The following RFC1 variants were observed in gnomAD, a reference collection of about 807,000 sequenced individuals.
RFC1 encodes A1 140 kDa subunit.
In RFC1, 37 loss-of-function variants were observed where a neutral mutation model predicts 137.4. That is an observed-to-expected ratio of 0.27 (90% CI 0.21 to 0.35). The LOEUF is 0.35. Ranked by LOEUF, RFC1 falls within the 10% of genes least tolerant of loss-of-function variation. The pLI is 1.00. For synonymous variants in RFC1, 429 were observed against 455.7 expected (o/e 0.94, Z 0.75); for missense variants, 1,205 against 1,358.5 (o/e 0.89, Z 1.78).
At chr4:39,319,759 T>C (rs1226102617) in intron 9 of RFC1, among the ~76,000 whole-genome samples, 3 of 152,142 alleles carry the variant, frequency 2.0e-5, no homozygotes, top group African/African-American at 7.2e-5. Flanking sequence ...ATATATATAC[T>C]TACATGTACT....
At chr4:39,346,615 A>T (rs903205214) in intron 2 of RFC1, among the ~76,000 whole-genome samples, 1 of 152,238 alleles carries the variant, frequency 6.6e-6, no homozygotes, top group Non-Finnish European at 1.5e-5. Flanking sequence ...ATTGTAATCA[A>T]TTATAAGGTA....
At chr4:39,321,951 T>G (rs1739539859) in intron 7 of RFC1, 2 of 124,554 alleles carry the variant, frequency 1.6e-5, no homozygotes, top group Admixed American at 1.9e-4. Context: ...TCTTAATACC[T>G]GCCTGTTTAG....
At chr4:39,295,463 TA>T in intron 22 of RFC1, 150 bp downstream of exon 22, 1 of 580,620 alleles carries the variant, frequency 1.7e-6, no homozygotes, top group Non-Finnish European at 2.8e-6. Context: ...CTCAGGCCCA[TA>T]AAATATAAGG....
At chr4:39,296,663 T>C (rs1478018033) in intron 21 of RFC1, among the ~76,000 whole-genome samples, 14 of 151,560 alleles carry the variant, frequency 9.2e-5, no homozygotes, top group African/African-American at 2.9e-4. Context: ...TGTTGGACAT[T>C]TGGGTTGGTT....
At chr4:39,310,729 G>C (rs547548276) in intron 12 of RFC1, among the ~76,000 whole-genome samples, 3 of 152,290 alleles carry the variant, frequency 2.0e-5, no homozygotes, top group Non-Finnish European at 4.4e-5. Context: ...ATACAGGCTA[G>C]GTGTCTGCAC....
chr4:39,299,925 T>C, intron 21 of RFC1, 96 bp downstream of exon 21: 1 of 772,150 alleles, frequency 1.3e-6, no homozygotes, highest in Non-Finnish European at 2.2e-6. Flanking sequence ...AAAAATAAAG[T>C]AAACAAAATA....
chr4:39,327,890 T>C, intron 4 of RFC1, 134 bp from the exon 5 acceptor site: 1 of 671,554 alleles, frequency 1.5e-6, no homozygotes, highest in Non-Finnish European at 2.5e-6. Flanking sequence ...CCAGCACTTT[T>C]GGAGACCAAG....
At chr4:39,317,498 T>C (rs1739300266) in intron 9 of RFC1, among the ~76,000 whole-genome samples, 1 of 152,150 alleles carries the variant, frequency 6.6e-6, no homozygotes, top group African/African-American at 2.4e-5. Context: ...AGCATTCCAG[T>C]AGGAGAATCT....
Position 39,341,669 on chromosome 4 carries a change from A to T in RFC1, c.331+676T>A, listed in dbSNP as rs965509842. 3.1e-5 allele frequency: 14 copies of T among 456,094 alleles called. No individual in the cohort carries two copies. The Admixed American group carries it at 3.3e-4, about 11-fold the overall frequency. 28.3% of individuals were successfully genotyped at this position (456,094 alleles called of 1,614,324 possible). On this transcript the variant is annotated intron_variant, in intron 4 of 24. Coordinates refer to ENST00000349703, the MANE Select transcript of RFC1 (RefSeq NM_002913.5). ...ATTATTCCGGTTATTGTCTCCTCTA[A>T]GGGTTAACAACATTACAATCAAAAT...
At chr4:39,336,378 T>C (rs1349124417) in intron 4 of RFC1, among the ~76,000 whole-genome samples, 1 of 152,184 alleles carries the variant, frequency 6.6e-6, no homozygotes, top group Non-Finnish European at 1.5e-5. Context: ...TACAGTAACA[T>C]CATGAACTGG....
intron 15 of RFC1, 147 bp from the exon 16 acceptor site, chr4:39,303,298 G>GAAAA: frequency 7.4e-6 from 3 of 405,486 alleles, no homozygotes; most frequent in Non-Finnish European, 8.7e-6. Context: ...TGTTGTTAAA[G>GAAAA]AAAAAAAAAA....
At chr4:39,356,315 C>T (rs892299209) in intron 1 of RFC1, among the ~76,000 whole-genome samples, 9 of 152,072 alleles carry the variant, frequency 5.9e-5, no homozygotes, top group African/African-American at 9.7e-5. Context: ...AGGAGAACGG[C>T]TTGAGCCCGG....
At position 39,302,365 on chromosome 4, in the gene RFC1, A is replaced by T; in HGVS notation, c.2448T>A (p.Asn816Lys). 1 of 1,612,150 alleles carries T rather than the reference A, an allele frequency of 6.2e-7. No homozygotes were observed. The highest frequency in any genetic ancestry group is 8.5e-7 in the Non-Finnish European group (1 of 1,178,198). The change falls in exon 19 of 25, where the codon AAT becomes AAA. Residue 816 changes from asparagine to lysine, a missense_variant. This residue lies in a region of RFC1 where 962 missense variants were observed against 1,035.3 expected (regional missense o/e 0.93). Coordinates refer to ENST00000349703, the MANE Select transcript of RFC1 (RefSeq NM_002913.5). ...ANQDIRQVLH[N>K]LSMWCARSKA... ...TACTTCGTGCACACCACATACTCAG[A>T]TTATGTAAAACCTAAAAGAATCACA...
chr4:39,322,472 T>C (rs192038963), intron 7 of RFC1: 8 of 152,288 alleles, frequency 5.3e-5, no homozygotes, highest in Admixed American at 3.9e-4. Context: ...ATAATATAGA[T>C]CTTAGAGTTA....
At chr4:39,295,068 A>G (rs1290715853) in intron 22 of RFC1, among the ~76,000 whole-genome samples, 2 of 152,230 alleles carry the variant, frequency 1.3e-5, no homozygotes, top group Non-Finnish European at 2.9e-5. Context: ...CCAAGTTTCT[A>G]AAGTTCAACA....
intron 4 of RFC1, among the ~76,000 whole-genome samples, chr4:39,333,900 A>C (rs1740230744): frequency 6.6e-6 from 1 of 152,190 alleles, no homozygotes; most frequent in Non-Finnish European, 1.5e-5. Flanking sequence ...AAAATATGGG[A>C]GTGTTCTATA....
chr4:39,344,528 G>A (rs182577876), intron 3 of RFC1, among the ~76,000 whole-genome samples: 141 of 152,298 alleles, frequency 9.3e-4, no homozygotes, highest in Middle Eastern at 3.4e-3. Flanking sequence ...TTGAGAGGCC[G>A]AGGAAGGCGA....
chr4:39,326,587 T>C lies in RFC1; in HGVS notation c.618A>G (p.Gln206=). 1 of 1,613,320 alleles carries C rather than the reference T, an allele frequency of 6.2e-7. No homozygotes were observed. Among genetic ancestry groups the C allele is most frequent in the Non-Finnish European group, 8.5e-7 (1 of 1,179,414 alleles). ...CCTCCGCATCTTCATCAAGCTGTAA[T>C]TGCTTGGCGATGGCTTCATCATTTA... ...SGLNDEAIAK[Q]LQLDEDAELE... The change falls in exon 6 of 25, where the codon CAA becomes CAG. Residue 206 remains glutamine (Q), a synonymous_variant. Transcript: ENST00000349703.
chr4:39,310,597 G>C (rs527896917), intron 12 of RFC1, among the ~76,000 whole-genome samples: 1 of 152,286 alleles, frequency 6.6e-6, no homozygotes, highest in African/African-American at 2.4e-5. Context: ...TAGAAACAGA[G>C]AGACAGAAAC....
Sources: gnomAD v4.1 joint callset for allele counts (sites outside exome capture counted in the v4.1 genomes callset) on GRCh38, gnomAD v4.1.1 for gene constraint, gnomAD v4.1.1 regional missense constraint, MANE v1.5 for transcripts, NCBI Gene and HGNC (gene_info 2026-07-23, HGNC 2026-07-21) for gene names.